BTRC: variants seen among roughly 807,000 people sequenced by gnomAD.
BTRC encodes the protein F-box/WD repeat-containing protein 1A.
A neutral mutation model predicts 85.5 loss-of-function variants in BTRC; 42 were observed. The ratio of observed to expected loss-of-function variants is 0.49; its 90% confidence interval spans 0.38 to 0.64. The LOEUF (loss-of-function observed/expected upper bound fraction) is 0.64, where lower values mean the gene tolerates loss of function less well. Among genes scored for constraint, BTRC ranks in the 30% least tolerant of loss-of-function variants. The pLI, the probability that BTRC is intolerant of heterozygous loss-of-function variation, is 0.00. For missense variants in BTRC, 594 were observed against 743.5 expected (o/e 0.80, Z 2.34); for synonymous variants, 255 against 263.3 (o/e 0.97, Z 0.30).
intron 4 of BTRC, among the ~76,000 whole-genome samples, chr10:101,495,467 A>G (rs1403543423): frequency 6.6e-6 from 1 of 152,232 alleles, no homozygotes; most frequent in Admixed American, 6.5e-5. Flanking sequence ...AACCGTGGGC[A>G]GCACCAAACT....
At chr10:101,548,000 T>C (rs984836211) in intron 13 of BTRC, among the ~76,000 whole-genome samples, 1 of 152,206 alleles carries the variant, frequency 6.6e-6, no homozygotes, top group Non-Finnish European at 1.5e-5. Context: ...AGAGAGGCTT[T>C]TCCTCAACTT....
At chr10:101,540,072 A>G (rs1328303164) in intron 13 of BTRC, among the ~76,000 whole-genome samples, 1 of 152,180 alleles carries the variant, frequency 6.6e-6, no homozygotes, top group Non-Finnish European at 1.5e-5. Context: ...ACGTTCATAA[A>G]ATTTGTTTCT....
intron 13 of BTRC, among the ~76,000 whole-genome samples, chr10:101,540,310 G>T (rs930757533): frequency 6.6e-6 from 1 of 152,180 alleles, no homozygotes; most frequent in African/African-American, 2.4e-5. Flanking sequence ...ATGGTACAAG[G>T]TGTAGATCAA....
rs2062107466 is a variant in BTRC, at chr10:101,521,636, C to T, written c.325-3C>T. The T allele has an allele frequency of 6.2e-7, 1 of 1,609,190 alleles. No individual in the cohort carries two copies. The stretch of plus-strand genomic sequence containing the variant: ...TTATGTTTCTTTTAACCCCCTTCTA[C>T]AGACAAAACTTGCCAATGGCACTTC... On this transcript the variant is annotated splice_region_variant and splice_polypyrimidine_tract_variant and intron_variant, in intron 4 of 14. Transcript: ENST00000370187.
intron 4 of BTRC, among the ~76,000 whole-genome samples, chr10:101,513,729 C>T (rs953946957): frequency 1.5e-5 from 2 of 130,966 alleles, no homozygotes; most frequent in South Asian, 2.4e-4. Flanking sequence ...AATATGGAAG[C>T]AAAAAACATT....
intron 4 of BTRC, among the ~76,000 whole-genome samples, chr10:101,505,721 T>C (rs1946523264): frequency 6.6e-6 from 1 of 152,144 alleles, no homozygotes; most frequent in South Asian, 2.1e-4. Context: ...GCAATTTCCA[T>C]GTTTTTTGTG....
intron 5 of BTRC, among the ~76,000 whole-genome samples, chr10:101,525,607 C>G (rs2062178859): frequency 6.6e-6 from 1 of 152,050 alleles, no homozygotes; most frequent in South Asian, 2.1e-4. Flanking sequence ...GTAATAGAAA[C>G]AGAATGAGAA....
At chr10:101,385,533 TAAGA>T (rs1003191846) in intron 1 of BTRC, among the ~76,000 whole-genome samples, 17 of 151,236 alleles carry the variant, frequency 1.1e-4, no homozygotes, top group African/African-American at 3.6e-4. Flanking sequence ...TCATAGGATT[TAAGA>T]GTCTAGAAGG....
intron 4 of BTRC, among the ~76,000 whole-genome samples, chr10:101,484,603 G>GTTAA (rs1945933390): frequency 6.6e-6 from 1 of 152,124 alleles, no homozygotes; most frequent in Non-Finnish European, 1.5e-5. Context: ...ATGTTAACAG[G>GTTAA]CTTCTTTAAG....
chr10:101,366,078 C>T (rs561742086), intron 1 of BTRC, among the ~76,000 whole-genome samples: 2 of 152,104 alleles, frequency 1.3e-5, no homozygotes, highest in South Asian at 4.2e-4. Flanking sequence ...AAGGGGTTGT[C>T]AATTTACACC....
intron 4 of BTRC, among the ~76,000 whole-genome samples, chr10:101,498,164 C>CT (rs1315830178): frequency 1.3e-5 from 2 of 151,902 alleles, no homozygotes; most frequent in Non-Finnish European, 1.5e-5. Flanking sequence ...TCTTAAGCTG[C>CT]TTTTTTTGAG....
chr10:101,432,449 A>G (rs2134086911), intron 2 of BTRC, among the ~76,000 whole-genome samples: 1 of 152,142 alleles, frequency 6.6e-6, no homozygotes, highest in East Asian at 1.9e-4. Context: ...TTTTAACTAC[A>G]TATCATACTG....
chr10:101,474,484 C>A (rs1945622028), intron 3 of BTRC, among the ~76,000 whole-genome samples: 1 of 152,224 alleles, frequency 6.6e-6, no homozygotes, highest in South Asian at 2.1e-4. Flanking sequence ...GGCCTTTCAA[C>A]CCTCCAGCTG....
At chr10:101,400,368 C>T (rs1269165364) in intron 1 of BTRC, among the ~76,000 whole-genome samples, 1 of 152,132 alleles carries the variant, frequency 6.6e-6, no homozygotes, top group Admixed American at 6.5e-5. Flanking sequence ...TTAAGGAGTA[C>T]CCAAGAGGGC....
chr10:101,463,050 G>GT lies in BTRC; in HGVS notation c.234+1005dup, dbSNP rs1201945098. On this transcript the variant is annotated intron_variant, in intron 3 of 14. Coordinates refer to ENST00000370187, the MANE Select transcript of BTRC (RefSeq NM_033637.4). Reference sequence around the variant, plus strand: ...GCCTGGCTAATTTTTGTATTTTGGGGTTTTTTTTTTTTTGAGACACAGTCT... The same window carrying GT: ...GCCTGGCTAATTTTTGTATTTTGGGGTTTTTTTTTTTTTTGAGACACAGTCT... 7.0e-3 allele frequency among the ~76,000 whole-genome samples: 814 copies of GT among 116,512 alleles called. 3 individuals carry two copies. Among genetic ancestry groups the GT allele is most frequent in the Non-Finnish European group, 8.8e-3 (461 of 52,574 alleles). 76.4% of individuals were successfully genotyped at this position (116,512 alleles called of 152,430 possible).
At chr10:101,424,426 C>T (rs1197639440) in intron 1 of BTRC, among the ~76,000 whole-genome samples, 1 of 152,138 alleles carries the variant, frequency 6.6e-6, no homozygotes, top group Admixed American at 6.5e-5. Flanking sequence ...TACTGCATTT[C>T]TCTGAATTTC....
chr10:101,429,265 T>A (rs1027083269), intron 1 of BTRC, among the ~76,000 whole-genome samples: 34 of 152,132 alleles, frequency 2.2e-4, no homozygotes, highest in African/African-American at 7.7e-4. Context: ...TAGAGAAACA[T>A]GAAGAATATA....
At chr10:101,494,876 A>G (rs1336959569) in intron 4 of BTRC, among the ~76,000 whole-genome samples, 1 of 152,218 alleles carries the variant, frequency 6.6e-6, no homozygotes, top group Non-Finnish European at 1.5e-5. Context: ...CAAATGTGAA[A>G]TAGACATTGT....
chr10:101,433,302 C>T (rs1189159018), intron 2 of BTRC, among the ~76,000 whole-genome samples: 1 of 152,074 alleles, frequency 6.6e-6, no homozygotes, highest in Non-Finnish European at 1.5e-5. Flanking sequence ...TATTAAATCA[C>T]ATAATTCTGA....
Sources: gnomAD v4.1 joint callset for allele counts (sites outside exome capture counted in the v4.1 genomes callset) on GRCh38, gnomAD v4.1.1 for gene constraint, MANE v1.5 for transcripts, NCBI Gene and HGNC (gene_info 2026-07-23, HGNC 2026-07-21) for gene names.